The following VWA3B variants were observed in gnomAD, a reference collection of about 807,000 sequenced individuals.
VWA3B encodes the protein von Willebrand factor A domain-containing protein 3B.
Under a neutral mutation model 158.3 loss-of-function variants are expected in VWA3B, and 138 were observed. The ratio of observed to expected loss-of-function variants is 0.87; its 90% CI spans 0.76 to 1.00. The LOEUF (loss-of-function observed/expected upper bound fraction) is 1.00. Ranked by LOEUF, VWA3B falls within the 50% of genes least tolerant of loss-of-function variation. VWA3B has a pLI of 0.00. For missense variants in VWA3B, 1,555 were observed against 1,565.1 expected, an observed-to-expected ratio of 0.99 and a Z score of 0.11; for synonymous variants, 596 against 587.3, an observed-to-expected ratio of 1.01 and a Z score of -0.21.
chr2:98,202,815 G>A (rs1427825531), intron 12 of VWA3B, among the ~76,000 whole-genome samples: 2 of 151,446 alleles, frequency 1.3e-5, no homozygotes, highest in Admixed American at 1.3e-4. Flanking sequence ...TGAGATCTAG[G>A]TTGAGGTTTA....
At chr2:98,276,993 C>G (rs1417270367) in intron 22 of VWA3B, among the ~76,000 whole-genome samples, 2 of 152,186 alleles carry the variant, frequency 1.3e-5, no homozygotes, top group African/African-American at 2.4e-5. Flanking sequence ...GTCCAGGGAG[C>G]CTGTGCCTGC....
chr2:98,258,694 C>T (rs1403079154), intron 21 of VWA3B, among the ~76,000 whole-genome samples: 1 of 151,812 alleles, frequency 6.6e-6, no homozygotes, highest in Non-Finnish European at 1.5e-5. Context: ...TTGTACCTTG[C>T]AACTTTGCTG....
intron 16 of VWA3B, among the ~76,000 whole-genome samples, chr2:98,233,043 G>A (rs1221247525): frequency 2.0e-5 from 3 of 152,204 alleles, no homozygotes; most frequent in Admixed American, 6.5e-5. Context: ...GAGCAGCATC[G>A]TACATGGGAA....
chr2:98,146,416 CT>C (rs1317839011), intron 7 of VWA3B, among the ~76,000 whole-genome samples: 1 of 152,136 alleles, frequency 6.6e-6, no homozygotes, highest in Non-Finnish European at 1.5e-5. Flanking sequence ...GGGCTCTCTG[CT>C]TTTTTGCTGC....
chr2:98,161,184 G>T (rs1678545523), intron 7 of VWA3B, among the ~76,000 whole-genome samples: 1 of 152,216 alleles, frequency 6.6e-6, no homozygotes, highest in Non-Finnish European at 1.5e-5. Flanking sequence ...GGTGTATTTG[G>T]TGACAGAACA....
At chr2:98,248,733 A>C (rs62156722) in intron 19 of VWA3B, among the ~76,000 whole-genome samples, 5,916 of 152,148 alleles carry the variant, frequency 0.039, 173 homozygotes, top group Middle Eastern at 0.075. Flanking sequence ...AGCTTCAACA[A>C]CACTCATATG....
intron 6 of VWA3B, among the ~76,000 whole-genome samples, chr2:98,129,224 A>AGAGAGTGTGTGTGT (rs1370543551): frequency 0.09 from 11,172 of 124,044 alleles, 548 homozygotes; most frequent in Non-Finnish European, 0.1. Context: ...AGAGAGAGAG[A>AGAGAGTGTGTGTGT]GTGTGTGTGT....
intron 7 of VWA3B, among the ~76,000 whole-genome samples, chr2:98,140,955 A>C (rs1167651665): frequency 6.6e-6 from 1 of 152,160 alleles, no homozygotes; most frequent in Non-Finnish European, 1.5e-5. Flanking sequence ...CATGTGCCCC[A>C]GGCCCCCTCA....
At chr2:98,207,334 G>A (rs1683109022) in intron 12 of VWA3B, 3 of 487,630 alleles carry the variant, frequency 6.2e-6, no homozygotes, top group Non-Finnish European at 8.3e-6. Flanking sequence ...TCTACATGTG[G>A]ATCCTCTGGA....
Position 98,299,652 on chromosome 2 carries a change from T to C in VWA3B, c.3283-427T>C, listed in dbSNP as rs942357946. Among the ~76,000 whole-genome samples, 2 of 152,226 alleles carry C rather than the reference T, an allele frequency of 1.3e-5. 1 individual carries two copies. The highest frequency in any genetic ancestry group is 4.8e-5 in the African/African-American group (2 of 41,462). ...ATTCTCCGTTTGCGACTTTTACCCT[T>C]GGATTCTGGGTGTGTGCTTTGGAGC... On this transcript the variant is annotated intron_variant, in intron 24 of 27. Coordinates refer to ENST00000477737, the MANE Select transcript of VWA3B (RefSeq NM_144992.5).
At position 98,129,324 on chromosome 2, in the gene VWA3B, GGA is replaced by G. The variant is rs144781077; in HGVS notation, c.872+928_872+929del. 1.9e-3 allele frequency among the ~76,000 whole-genome samples: 294 copies of G among 151,102 alleles called. 1 individual carries two copies. The highest frequency in any genetic ancestry group is 0.01 in the Middle Eastern group (3 of 292). On this transcript the variant is annotated intron_variant, in intron 6 of 27. Coordinates refer to ENST00000477737, the MANE Select transcript of VWA3B (RefSeq NM_144992.5). ...GAGGAGAGAGACATTGTGTGTGTGT[GGA>G]GAGAGAGAGAGCAGAGAGACGGAGA...
chr2:98,190,002 A>G lies in VWA3B; in HGVS notation c.1466+1873A>G, dbSNP rs1681439102. Among the ~76,000 whole-genome samples, 4 of 152,146 alleles carry G rather than the reference A, an allele frequency of 2.6e-5. No individual in the cohort carries two copies. In the South Asian group the frequency reaches 8.3e-4, roughly 32 times the overall value. On this transcript the variant is annotated intron_variant, in intron 10 of 27. Transcript: ENST00000477737. ...ATATGAGCATTGTTTTATTAATCCA[A>G]CCTAACAATCTTTGGCTTTTAATTG...
At chr2:98,238,970 A>T (rs561263024) in intron 19 of VWA3B, among the ~76,000 whole-genome samples, 1 of 152,356 alleles carries the variant, frequency 6.6e-6, no homozygotes, top group South Asian at 2.1e-4. Context: ...TGCCTTAAAA[A>T]ATGCAAATTG....
At chr2:98,309,234 AT>A (rs1418073326) in intron 26 of VWA3B, among the ~76,000 whole-genome samples, 2 of 152,230 alleles carry the variant, frequency 1.3e-5, no homozygotes, top group African/African-American at 2.4e-5. Context: ...TTTTAAAAAA[AT>A]AATAACTTTC....
chr2:98,174,661 C>T (rs1679860146), intron 8 of VWA3B, among the ~76,000 whole-genome samples: 1 of 152,096 alleles, frequency 6.6e-6, no homozygotes, highest in Non-Finnish European at 1.5e-5. Context: ...CTGAGGTATT[C>T]CTGGGAATCT....
chr2:98,311,939 GCCACTCCAGCAGGCGGCGC>G lies in VWA3B; in HGVS notation c.3645_3663del (p.Leu1216ArgfsTer36). On this transcript the variant is annotated frameshift_variant, in exon 27 of 28. Coordinates refer to ENST00000477737, the MANE Select transcript of VWA3B (RefSeq NM_144992.5). LOFTEE classifies it high-confidence loss of function. The stretch of plus-strand genomic sequence containing the variant: ...GGAGGAAAAAGAGGCCCGCCAAGCA[GCCACTCCAGCAGGCGGCGC>G]CCTCGGACTCGGACGGCTCCTCCCA... 1 of 1,608,284 alleles carries G rather than the reference GCCACTCCAGCAGGCGGCGC, an allele frequency of 6.2e-7. No individual in the cohort carries two copies. Among genetic ancestry groups the G allele is most frequent in the Non-Finnish European group, 8.5e-7 (1 of 1,177,352 alleles).
At chr2:98,243,854 G>A (rs1379789836) in intron 19 of VWA3B, among the ~76,000 whole-genome samples, 1 of 152,174 alleles carries the variant, frequency 6.6e-6, no homozygotes, top group Admixed American at 6.5e-5. Context: ...GATTTACACA[G>A]CTATTACATT....
chr2:98,234,775 A>G lies in VWA3B; in HGVS notation c.2428+8A>G, dbSNP rs1175712565. ...CTGCTCTAAGTGACAAAGGCAAGCCAGAAAGCATCTCTGTGGCCAACCAGC... is the reference window on the plus strand; with the variant it reads ...CTGCTCTAAGTGACAAAGGCAAGCCGGAAAGCATCTCTGTGGCCAACCAGC... On this transcript the variant is annotated splice_region_variant and intron_variant, in intron 17 of 27. Transcript: ENST00000477737. 1 of 1,614,196 alleles carries G rather than the reference A, an allele frequency of 6.2e-7. No homozygotes were observed. Among genetic ancestry groups the G allele is most frequent in the Non-Finnish European group, 8.5e-7 (1 of 1,180,004 alleles).
intron 22 of VWA3B, among the ~76,000 whole-genome samples, chr2:98,281,823 C>T (rs1688894393): frequency 6.6e-6 from 1 of 152,150 alleles, no homozygotes; most frequent in Non-Finnish European, 1.5e-5. Flanking sequence ...CAGCATCCCT[C>T]CTGCTGGTGT....
Sources: gnomAD v4.1 joint callset for allele counts (sites outside exome capture counted in the v4.1 genomes callset) on GRCh38, gnomAD v4.1.1 for gene constraint, MANE v1.5 for transcripts, NCBI Gene and HGNC (gene_info 2026-07-23, HGNC 2026-07-21) for gene names.